Variants in EXOSC7 observed in about 807,000 individuals in gnomAD.
EXOSC7 encodes the protein exosome component 7.
In EXOSC7, 25 loss-of-function variants were observed where a neutral mutation model predicts 34.3. That is an observed-to-expected ratio of 0.73 (90% CI 0.53 to 1.02). The LOEUF is 1.02. EXOSC7 is among the 50% of genes least tolerant of loss of function. The pLI is 0.00. For synonymous variants in EXOSC7, 130 were observed against 143.0 expected (o/e 0.91, Z 0.65); for missense variants, 370 against 368.5 (o/e 1.00, Z -0.03).
chr3:44,982,264 A>G lies in EXOSC7; in HGVS notation c.57+5930A>G, dbSNP rs113846822. Among the ~76,000 whole-genome samples the G allele has an allele frequency of 1.9e-3, 294 of 152,336 alleles. 5 individuals are homozygous for G. Among genetic ancestry groups the G allele is most frequent in the East Asian group, 0.014 (73 of 5,182 alleles). On this transcript the variant is annotated intron_variant, in intron 1 of 7. Coordinates refer to ENST00000265564, the MANE Select transcript of EXOSC7 (RefSeq NM_015004.4). Reference sequence around the variant, plus strand: ...TTTGGTCTGGTAGTATTTCACGCCAAAAAGAGTTGGTCACCCTTTGGATTA... The same window carrying G: ...TTTGGTCTGGTAGTATTTCACGCCAGAAAGAGTTGGTCACCCTTTGGATTA...
At chr3:45,011,155 G>A in intron 7 of EXOSC7, 80 bp from the exon 8 acceptor site, 1 of 722,246 alleles carries the variant, frequency 1.4e-6, no homozygotes, top group Non-Finnish European at 2.2e-6. Context: ...AAGACTAGCT[G>A]GCAGAAAGGA....
At chr3:45,006,464 C>T (rs1444435758) in intron 6 of EXOSC7, among the ~76,000 whole-genome samples, 6 of 130,180 alleles carry the variant, frequency 4.6e-5, no homozygotes, top group East Asian at 2.4e-4. Context: ...GGCCGGACTG[C>T]GGACTGCAGT....
chr3:44,994,861 GT>G (rs1706675892), intron 3 of EXOSC7, among the ~76,000 whole-genome samples: 10 of 21,822 alleles, frequency 4.6e-4, no homozygotes, highest in African/African-American at 1.1e-3. Flanking sequence ...GAATGGGTGT[GT>G]GTGTGTGTGT....
chr3:44,997,840 G>A (rs1025907196), intron 4 of EXOSC7, among the ~76,000 whole-genome samples: 3 of 152,036 alleles, frequency 2.0e-5, no homozygotes, highest in Non-Finnish European at 4.4e-5. Flanking sequence ...ACCTCAGAAC[G>A]TGCCTGCCTT....
In EXOSC7 at chr3:45,005,311, TG is replaced by T. The variant is rs1407210845; in HGVS notation, c.514del (p.Glu172ArgfsTer21). On this transcript the variant is annotated frameshift_variant, in exon 6 of 8. Transcript: ENST00000265564. LOFTEE classifies it high-confidence loss of function. ...FNTRIPRVRV[L>X]EDEEGSKDIE... ...TCCAGGATACCAAGGGTTCGAGTTT[TG>T]GAGGATGAAGAGGGGTCGAAGGACA... 2 of 1,614,038 alleles carry T rather than the reference TG, an allele frequency of 1.2e-6. No individual in the cohort carries two copies. The highest frequency in any genetic ancestry group is 1.3e-5 in the African/African-American group (1 of 74,926).
chr3:44,979,405 G>T (rs1706215051), intron 1 of EXOSC7, among the ~76,000 whole-genome samples: 1 of 152,152 alleles, frequency 6.6e-6, no homozygotes, highest in African/African-American at 2.4e-5. Flanking sequence ...TTCAGCCTTT[G>T]GTTCTTTTAC....
Position 45,011,415 on chromosome 3 carries a change from C to A in EXOSC7, c.*76C>A. The A allele has an allele frequency of 1.1e-6, 1 of 940,238 alleles. No individual in the cohort carries two copies. Among genetic ancestry groups the A allele is most frequent in the Non-Finnish European group, 1.6e-6 (1 of 613,246 alleles). 58.2% of individuals were successfully genotyped at this position (940,238 alleles called of 1,614,324 possible). A position where few individuals can be genotyped will look rare whatever the true frequency, so the allele number is the denominator to read the frequency against. Reference sequence around the variant, plus strand: ...ACCGGTTCGTATATATTTTTCTTCGCTGTTACGAATTTACAGCAGCATTTG... The same window carrying A: ...ACCGGTTCGTATATATTTTTCTTCGATGTTACGAATTTACAGCAGCATTTG... On this transcript the variant is annotated 3_prime_UTR_variant, in exon 8 of 8. Transcript: ENST00000265564.
At chr3:44,991,776 G>A (rs993066535) in intron 3 of EXOSC7, among the ~76,000 whole-genome samples, 1 of 152,168 alleles carries the variant, frequency 6.6e-6, no homozygotes, top group Non-Finnish European at 1.5e-5. Flanking sequence ...GTGGCTGCCT[G>A]CTGGTCTCTT....
chr3:45,009,517 TC>T (rs1707147724), intron 7 of EXOSC7, among the ~76,000 whole-genome samples: 1 of 152,032 alleles, frequency 6.6e-6, no homozygotes, highest in Admixed American at 6.6e-5. Flanking sequence ...GACTTTTTTT[TC>T]TTTTTCTAAT....
chr3:44,994,705 C>G lies in EXOSC7; in HGVS notation c.255-2382C>G, dbSNP rs954958707. Among the ~76,000 whole-genome samples, 4 of 152,112 alleles carry G rather than the reference C, an allele frequency of 2.6e-5. No homozygotes were observed. In the East Asian group the frequency reaches 5.8e-4, roughly 22 times the overall value. ...GTTGCTTAAAGCATTGTACCCCATC[C>G]CCCACCCTGAACAATTGCTTTCCGT... On this transcript the variant is annotated intron_variant, in intron 3 of 7. Coordinates refer to ENST00000265564, the MANE Select transcript of EXOSC7 (RefSeq NM_015004.4).
intron 1 of EXOSC7, among the ~76,000 whole-genome samples, chr3:44,976,736 G>T (rs911738972): frequency 1.3e-5 from 2 of 152,214 alleles, no homozygotes; most frequent in African/African-American, 4.8e-5. Flanking sequence ...TCGTGGTTAG[G>T]AGGGCGCATG....
intron 4 of EXOSC7, among the ~76,000 whole-genome samples, chr3:45,001,201 C>A (rs963054794): frequency 6.6e-6 from 1 of 151,876 alleles, no homozygotes; most frequent in African/African-American, 2.4e-5. Context: ...TGCCTATACC[C>A]CAGCACTTTG....
chr3:44,997,224 A>G lies in EXOSC7; in HGVS notation c.392A>G (p.His131Arg), dbSNP rs905859647. The part of the protein sequence containing the change: ...LKTLCISPRE[H>R]CWVLYVDVLL... ...ACCCTCTGCATTAGTCCTCGGGAGC[A>G]CTGCTGGGTTCTCTATGTGGATGTG... Residue 131 changes from histidine (H) to arginine (R), a missense_variant, in exon 4 of 8, where the codon CAC becomes CGC. Coordinates refer to ENST00000265564, the MANE Select transcript of EXOSC7 (RefSeq NM_015004.4). 5 of 1,613,890 alleles carry G rather than the reference A, an allele frequency of 3.1e-6. No individual in the cohort carries two copies. Among genetic ancestry groups the G allele is most frequent in the East Asian group, 2.2e-5 (1 of 44,864 alleles).
chr3:45,010,136 A>G (rs953813180), intron 7 of EXOSC7, among the ~76,000 whole-genome samples: 6 of 152,210 alleles, frequency 3.9e-5, no homozygotes, highest in Admixed American at 3.9e-4. Context: ...TGGGAATGTG[A>G]AAGACCTGAT....
chr3:45,011,579 A>G (rs1258992317), downstream of EXOSC7: 1 of 324,068 alleles, frequency 3.1e-6, no homozygotes, highest in Non-Finnish European at 5.6e-6. Flanking sequence ...GAGCTCTGCC[A>G]CCAAGGGAGA....
At chr3:44,979,981 G>A (rs1706232266) in intron 1 of EXOSC7, among the ~76,000 whole-genome samples, 2 of 151,744 alleles carry the variant, frequency 1.3e-5, no homozygotes, top group South Asian at 4.2e-4. Flanking sequence ...AGATGTTGAG[G>A]AGCCCCAAGA....
chr3:44,978,663 T>G (rs1706189305), intron 1 of EXOSC7, among the ~76,000 whole-genome samples: 1 of 152,090 alleles, frequency 6.6e-6, no homozygotes, highest in Non-Finnish European at 1.5e-5. Flanking sequence ...GACTGAGAAT[T>G]AAGTAGGCAC....
rs763497893 is a variant in EXOSC7, at chr3:45,011,357, C to G, written c.*18C>G. ...TGGGATGATTTGCACATCAACTGCT[C>G]AACTGTGGATTGTTTTTTACTTTTC... On this transcript the variant is annotated 3_prime_UTR_variant, in exon 8 of 8. Transcript: ENST00000265564. The G allele has an allele frequency of 6.8e-7, 1 of 1,477,632 alleles. No homozygotes were observed. Among genetic ancestry groups the G allele is most frequent in the Non-Finnish European group, 9.4e-7 (1 of 1,063,038 alleles). 91.5% of individuals were successfully genotyped at this position (1,477,632 alleles called of 1,614,324 possible).
In EXOSC7 at chr3:45,001,335, C is replaced by T. The variant is rs555067525; in HGVS notation, c.421-203C>T. Among the ~76,000 whole-genome samples, 25 of 151,728 alleles carry T rather than the reference C, an allele frequency of 1.6e-4. No individual in the cohort carries two copies. The South Asian group carries it at 2.3e-3, about 14-fold the overall frequency. ...GCGCACACGTGTAATCCCAGCTATTCGGGAGGCTGAGGTGGGAGAATTACT... is the reference window on the plus strand; with the variant it reads ...GCGCACACGTGTAATCCCAGCTATTTGGGAGGCTGAGGTGGGAGAATTACT... On this transcript the variant is annotated intron_variant, in intron 4 of 7. Transcript: ENST00000265564.
Sources: gnomAD v4.1 joint callset for allele counts (sites outside exome capture counted in the v4.1 genomes callset) on GRCh38, gnomAD v4.1.1 for gene constraint, MANE v1.5 for transcripts, NCBI Gene and HGNC (gene_info 2026-07-23, HGNC 2026-07-21) for gene names.